Variants in IQGAP2 observed in about 807,000 individuals in gnomAD.
IQGAP2 encodes ras GTPase-activating-like protein IQGAP2.
IQGAP2 carries 173 observed loss-of-function variants against 201.3 expected under a neutral mutation model. The observed-to-expected ratio is 0.86, with a 90% CI of 0.76 to 0.98. The LOEUF is 0.98. Among genes scored for constraint, IQGAP2 ranks in the 50% least tolerant of loss-of-function variants. IQGAP2 has a pLI of 0.00. For missense variants in IQGAP2, 1,687 were observed against 1,864.8 expected (o/e 0.90, Z 1.76); for synonymous variants, 675 against 673.9 (o/e 1.00, Z -0.03).
At position 76,665,181 on chromosome 5, in the gene IQGAP2, A is replaced by C; in HGVS notation, c.2679+6A>C. ...AGCTGTTTTACCTTTTACAGGTGAG[A>C]ACAATTTATCGTTCACTCTGAGTTT... On this transcript the variant is annotated splice_donor_region_variant and intron_variant, in intron 22 of 35. Coordinates refer to ENST00000274364, the MANE Select transcript of IQGAP2 (RefSeq NM_006633.5). The C allele has an allele frequency of 6.2e-7, 1 of 1,610,394 alleles. No homozygotes were observed. Among genetic ancestry groups the C allele is most frequent in the Non-Finnish European group, 8.5e-7 (1 of 1,178,426 alleles).
At chr5:76,680,253 A>G (rs983317420) in intron 28 of IQGAP2, among the ~76,000 whole-genome samples, 1 of 152,218 alleles carries the variant, frequency 6.6e-6, no homozygotes, top group Non-Finnish European at 1.5e-5. Flanking sequence ...AGTGTCTCCA[A>G]ATGGTACTGG....
chr5:76,407,017 C>T (rs927028564), intron 1 of IQGAP2, among the ~76,000 whole-genome samples: 6 of 152,106 alleles, frequency 3.9e-5, no homozygotes, highest in Non-Finnish European at 7.3e-5. Flanking sequence ...CTTGCTCTCT[C>T]ACCCAGGCTG....
At chr5:76,653,678 T>C (rs184564534) in intron 18 of IQGAP2, among the ~76,000 whole-genome samples, 27 of 152,352 alleles carry the variant, frequency 1.8e-4, no homozygotes, top group African/African-American at 5.8e-4. Flanking sequence ...AGATCCATTG[T>C]GCAGTAGCTC....
intron 12 of IQGAP2, among the ~76,000 whole-genome samples, chr5:76,609,919 A>G (rs1333322389): frequency 6.7e-6 from 1 of 149,190 alleles, no homozygotes; most frequent in African/African-American, 2.5e-5. Context: ...ATGATAGTTT[A>G]TTTTTTAATA....
chr5:76,490,675 T>C (rs555355679), intron 2 of IQGAP2, among the ~76,000 whole-genome samples: 16 of 152,152 alleles, frequency 1.1e-4, no homozygotes, highest in Non-Finnish European at 1.3e-4. Context: ...TTTGTTGTCA[T>C]TGTTATAACA....
intron 2 of IQGAP2, among the ~76,000 whole-genome samples, chr5:76,550,532 G>A (rs1743385327): frequency 6.6e-6 from 1 of 152,028 alleles, no homozygotes; most frequent in African/African-American, 2.4e-5. Context: ...CTGGGTACTT[G>A]AGATTAGGGA....
intron 2 of IQGAP2, among the ~76,000 whole-genome samples, chr5:76,489,298 A>G (rs1412475393): frequency 6.6e-6 from 1 of 152,174 alleles, no homozygotes; most frequent in Non-Finnish European, 1.5e-5. Context: ...TTACAACTCT[A>G]TAGTTTTGTC....
intron 1 of IQGAP2, among the ~76,000 whole-genome samples, chr5:76,433,826 T>C (rs1752510762): frequency 1.3e-5 from 2 of 152,236 alleles, no homozygotes; most frequent in Admixed American, 6.5e-5. Context: ...TTAACTTCAG[T>C]GTTTTCCTAT....
intron 2 of IQGAP2, among the ~76,000 whole-genome samples, chr5:76,521,843 T>C (rs1758699828): frequency 6.6e-6 from 1 of 152,196 alleles, no homozygotes; most frequent in African/African-American, 2.4e-5. Context: ...TCTGAGAATT[T>C]ACATTTTGAA....
chr5:76,601,119 T>A, intron 11 of IQGAP2, 147 bp downstream of exon 11: 1 of 682,554 alleles, frequency 1.5e-6, no homozygotes, highest in African/African-American at 1.8e-5. Flanking sequence ...TCCTTCTAAT[T>A]AGTATCCTTG....
rs370574575 is a variant in IQGAP2, at chr5:76,525,569, AAG to A, written c.147-36822_147-36821del. Among the ~76,000 whole-genome samples the A allele has an allele frequency of 9.5e-4, 145 of 152,262 alleles. 5 individuals carry two copies. The East Asian group carries it at 0.019, about 20-fold the overall frequency. On this transcript the variant is annotated intron_variant, in intron 2 of 35. Coordinates refer to ENST00000274364, the MANE Select transcript of IQGAP2 (RefSeq NM_006633.5). ...GAGGCAGGCTGGGTGGCAAAATGGA[AAG>A]AGAGGTAGGCTTTGGGATTAAATAA...
chr5:76,508,912 A>G (rs1332571721), intron 2 of IQGAP2, among the ~76,000 whole-genome samples: 1 of 151,984 alleles, frequency 6.6e-6, no homozygotes, highest in Admixed American at 6.6e-5. Context: ...CAGCCCCTAC[A>G]TGTACCCTCT....
At chr5:76,655,561 C>T (rs948858294) in intron 20 of IQGAP2, among the ~76,000 whole-genome samples, 1 of 152,116 alleles carries the variant, frequency 6.6e-6, no homozygotes, top group Non-Finnish European at 1.5e-5. Context: ...AATTCTCCTG[C>T]CTCAGCCTTC....
intron 24 of IQGAP2, 53 bp downstream of exon 24, chr5:76,672,036 C>T (rs1484140497): frequency 7.3e-6 from 10 of 1,368,150 alleles, no homozygotes; most frequent in Non-Finnish European, 1.0e-5. Flanking sequence ...GATATTTTTA[C>T]ATGTGTATTT....
At chr5:76,645,682 A>C (rs1247537408) in intron 17 of IQGAP2, among the ~76,000 whole-genome samples, 1 of 152,140 alleles carries the variant, frequency 6.6e-6, no homozygotes, top group South Asian at 2.1e-4. Flanking sequence ...AGGAGCAAAA[A>C]AATTATATTC....
intron 13 of IQGAP2, among the ~76,000 whole-genome samples, chr5:76,619,420 C>T (rs745333102): frequency 2.0e-5 from 3 of 151,964 alleles, no homozygotes; most frequent in Non-Finnish European, 2.9e-5. Flanking sequence ...AGTAGCCCCC[C>T]GCAAAGATTC....
chr5:76,623,048 A>T lies in IQGAP2; in HGVS notation c.1522-4362A>T. ...ATGATTCTACCTTTTAATAATAAAG[A>T]TCAAACTGCCTTTGGGGTTTACAGT... On this transcript the variant is annotated intron_variant, in intron 13 of 35. Coordinates refer to ENST00000274364, the MANE Select transcript of IQGAP2 (RefSeq NM_006633.5). 3.5e-6 allele frequency: 3 copies of T among 868,958 alleles called. No individual in the cohort carries two copies. In the South Asian group the frequency reaches 4.6e-5, roughly 13 times the overall value. 53.8% of individuals were successfully genotyped at this position (868,958 alleles called of 1,614,324 possible).
chr5:76,610,864 CTTA>C (rs924641558), intron 12 of IQGAP2, among the ~76,000 whole-genome samples, 153 bp from the exon 13 acceptor site: 1 of 152,210 alleles, frequency 6.6e-6, no homozygotes, highest in African/African-American at 2.4e-5. Flanking sequence ...TTTCAGATTG[CTTA>C]TTATGAGCGT....
chr5:76,692,338 G>T (rs1011611947), intron 30 of IQGAP2, among the ~76,000 whole-genome samples: 2 of 152,198 alleles, frequency 1.3e-5, no homozygotes, highest in African/African-American at 4.8e-5. Flanking sequence ...CCTTAGTAGG[G>T]ATGGGGTTTC....
Sources: allele counts gnomAD v4.1 joint callset (sites outside exome capture counted in the v4.1 genomes callset), GRCh38; gene constraint gnomAD v4.1.1; transcripts MANE v1.5; gene names NCBI Gene and HGNC (gene_info 2026-07-23, HGNC 2026-07-21).